The following ATP13A4 variants were observed in gnomAD, a reference collection of about 807,000 sequenced individuals.
The protein encoded by ATP13A4 is probable cation-transporting ATPase 13A4.
A neutral mutation model predicts 142.5 loss-of-function variants in ATP13A4; 114 were observed. The ratio of observed to expected loss-of-function variants is 0.80; its 90% CI spans 0.69 to 0.93. ATP13A4 has a LOEUF of 0.93. ATP13A4 is among the 40% of genes least tolerant of loss of function. ATP13A4 has a pLI of 0.00. For synonymous variants in ATP13A4, 488 were observed against 514.8 expected (o/e 0.95, Z 0.70); for missense variants, 1,392 against 1,454.0 (o/e 0.96, Z 0.69).
Position 193,435,655 on chromosome 3 carries a change from A to G in ATP13A4, c.2762T>C (p.Leu921Pro). Residue 921 changes from leucine to proline, a missense_variant, in exon 24 of 30, where the codon CTC becomes CCC. Leu to Pro is a moderately conservative substitution (Grantham distance 98). Transcript: ENST00000342695. ...CTAAGTCCCAAGTCATACCCAGTAGAGCAGCAGAACACCAACATACTGAAT... is the reference window on the plus strand; with the variant it reads ...CTAAGTCCCAAGTCATACCCAGTAGGGCAGCAGAACACCAACATACTGAAT... ...SMIQYVGVLLLYWETNSLSNY... is the reference protein window; with the variant it reads ...SMIQYVGVLLPYWETNSLSNY... 6.2e-7 allele frequency: 1 copy of G among 1,613,360 alleles called. No homozygotes were observed. Among genetic ancestry groups the G allele is most frequent in the Non-Finnish European group, 8.5e-7 (1 of 1,179,334 alleles).
At chr3:193,523,029 G>A (rs1267912854) in intron 1 of ATP13A4, among the ~76,000 whole-genome samples, 6 of 152,006 alleles carry the variant, frequency 3.9e-5, no homozygotes, top group Non-Finnish European at 8.8e-5. Flanking sequence ...TCAGCCAGGT[G>A]TGGTGGCTTA....
At chr3:193,568,120 C>T (rs573080664) in intron 2 of ATP13A4, among the ~76,000 whole-genome samples, 3 of 152,046 alleles carry the variant, frequency 2.0e-5, no homozygotes, top group Non-Finnish European at 4.4e-5. Flanking sequence ...CCACCACACC[C>T]GGCTAATTTT....
intron 25 of ATP13A4, among the ~76,000 whole-genome samples, chr3:193,427,406 A>C (rs7619288): frequency 0.74 from 112,795 of 152,006 alleles, 42,073 homozygotes; most frequent in Admixed American, 0.78. Context: ...AATGCCATCC[A>C]CATCAAGCTA....
intron 28 of ATP13A4, among the ~76,000 whole-genome samples, chr3:193,408,059 G>A (rs1714590727): frequency 6.6e-6 from 1 of 152,354 alleles, no homozygotes; most frequent in South Asian, 2.1e-4. Flanking sequence ...CCAGGCACAT[G>A]CCTGATATAT....
rs75820228 is a variant in ATP13A4 at position 193,458,020 on chromosome 3, G to A, written c.1675-555C>T. 9.0e-3 allele frequency among the ~76,000 whole-genome samples: 1,371 copies of A among 152,332 alleles called. 20 individuals carry two copies. Among genetic ancestry groups the A allele is most frequent in the East Asian group, 0.084 (437 of 5,186 alleles). On this transcript the variant is annotated intron_variant, in intron 14 of 29. Coordinates refer to ENST00000342695, the MANE Select transcript of ATP13A4 (RefSeq NM_032279.4). ...CAGTGCTTTGTAATCATCTCACTGA[G>A]TGGCTGACAAGGTCCCAGAGAGAAA... is the stretch of plus-strand genomic sequence containing the variant.
At chr3:193,480,680 G>C (rs1719240450) in intron 8 of ATP13A4, among the ~76,000 whole-genome samples, 1 of 152,154 alleles carries the variant, frequency 6.6e-6, no homozygotes, top group South Asian at 2.1e-4. Context: ...CTGTTGGTGG[G>C]AATGTAAACT....
At chr3:193,475,693 A>G (rs1248611587) in intron 8 of ATP13A4, among the ~76,000 whole-genome samples, 2 of 152,074 alleles carry the variant, frequency 1.3e-5, no homozygotes, top group Admixed American at 1.3e-4. Context: ...TAAGTTTGAA[A>G]AGCTAACACT....
intron 7 of ATP13A4, 42 bp from the exon 8 acceptor site, chr3:193,484,047 C>T: frequency 6.6e-7 from 1 of 1,508,968 alleles, no homozygotes; most frequent in Non-Finnish European, 9.2e-7. Context: ...TCTATTTGAG[C>T]ATAGTTTCTA....
chr3:193,525,286 A>C (rs1487079261), intron 1 of ATP13A4, among the ~76,000 whole-genome samples: 1 of 152,222 alleles, frequency 6.6e-6, no homozygotes, highest in Admixed American at 6.5e-5. Context: ...TTAGAGAAGA[A>C]AGCTGAAATC....
intron 1 of ATP13A4, among the ~76,000 whole-genome samples, chr3:193,521,467 A>C (rs552674803): frequency 1.3e-5 from 2 of 152,322 alleles, no homozygotes; most frequent in South Asian, 4.1e-4. Flanking sequence ...GAATATATTT[A>C]ATGACAAAAT....
At chr3:193,533,460 A>G (rs1161029083) in intron 1 of ATP13A4, among the ~76,000 whole-genome samples, 1 of 152,226 alleles carries the variant, frequency 6.6e-6, no homozygotes, top group Non-Finnish European at 1.5e-5. Context: ...AAATTAAAAA[A>G]GCAATGAATG....
At position 193,412,231 on chromosome 3, in the gene ATP13A4, A is replaced by T; in HGVS notation, c.3155T>A (p.Val1052Glu). 1 of 1,613,434 alleles carries T rather than the reference A, an allele frequency of 6.2e-7. No individual in the cohort carries two copies. Among genetic ancestry groups the T allele is most frequent in the South Asian group, 1.1e-5 (1 of 91,062 alleles). Residue 1052 changes from valine to glutamate, a missense_variant, in exon 27 of 30, where the codon GTG (valine) becomes GAG (glutamate). Transcript: ENST00000342695. ...WFLGTINCIT[V>E]ALVFSKGKPF... ...TTTTCCTTTAGAGAACACAAGAGCC[A>T]CAGTGATACAGTTGATTGTTCCCAA...
intron 1 of ATP13A4, among the ~76,000 whole-genome samples, chr3:193,537,833 G>GA (rs1427751125): frequency 9.2e-5 from 14 of 152,046 alleles, no homozygotes; most frequent in South Asian, 2.1e-4. Flanking sequence ...TTATGCTGGG[G>GA]AAAAAAAGCC....
rs1371821662 is a variant in ATP13A4 at position 193,399,795 on chromosome 3, G to A, written c.*2857C>T. ...CGGGAGGCGGAGCTGGCAGTGAGCCGAGATTGTGCCACTGCACTCTAGCCT... is the reference window on the plus strand; with the variant it reads ...CGGGAGGCGGAGCTGGCAGTGAGCCAAGATTGTGCCACTGCACTCTAGCCT... On this transcript the variant is annotated 3_prime_UTR_variant, in exon 30 of 30. Transcript: ENST00000342695. Among the ~76,000 whole-genome samples, 1 of 127,766 alleles carries A rather than the reference G, an allele frequency of 7.8e-6. No homozygotes were observed. Among genetic ancestry groups the A allele is most frequent in the Non-Finnish European group, 1.6e-5 (1 of 64,358 alleles). 83.8% of individuals were successfully genotyped at this position (127,766 alleles called of 152,430 possible).
At chr3:193,485,003 G>A (rs534332284) in intron 7 of ATP13A4, among the ~76,000 whole-genome samples, 1 of 152,194 alleles carries the variant, frequency 6.6e-6, no homozygotes, top group Admixed American at 6.5e-5. Context: ...CAAGGGGTAA[G>A]GGCAAATCAT....
intron 1 of ATP13A4, among the ~76,000 whole-genome samples, chr3:193,522,827 A>T (rs1721795620): frequency 6.6e-6 from 1 of 152,218 alleles, no homozygotes; most frequent in Non-Finnish European, 1.5e-5. Context: ...TTTGTCCGGT[A>T]ATCTTGGGCA....
chr3:193,458,950 T>G, intron 14 of ATP13A4, 131 bp downstream of exon 14: 2 of 1,252,140 alleles, frequency 1.6e-6, no homozygotes, highest in South Asian at 2.4e-5. Flanking sequence ...TTAGATTGGT[T>G]TGCCCTTCAC....
At chr3:193,513,130 C>T (rs1223011789) in intron 2 of ATP13A4, among the ~76,000 whole-genome samples, 1 of 152,276 alleles carries the variant, frequency 6.6e-6, no homozygotes, top group East Asian at 1.9e-4. Context: ...GAACATAGAA[C>T]AAGTATTTCT....
chr3:193,476,468 G>T (rs149303888), intron 8 of ATP13A4, among the ~76,000 whole-genome samples: 207 of 152,134 alleles, frequency 1.4e-3, no homozygotes, highest in Middle Eastern at 3.4e-3. Flanking sequence ...AACTTTCTCC[G>T]CATCCACAGT....
Sources: allele counts gnomAD v4.1 joint callset (sites outside exome capture counted in the v4.1 genomes callset), GRCh38; gene constraint gnomAD v4.1.1; transcripts MANE v1.5; gene names NCBI Gene and HGNC (gene_info 2026-07-23, HGNC 2026-07-21).